Variants in PPP1R12B observed in about 807,000 individuals in gnomAD.
PPP1R12B encodes protein phosphatase 1 regulatory subunit 12B.
PPP1R12B carries 76 observed loss-of-function variants against 126.1 expected under a neutral mutation model. The observed-to-expected ratio is 0.60, with a 90% CI of 0.50 to 0.73. The LOEUF is 0.73. PPP1R12B is among the 30% of genes least tolerant of loss of function. The pLI, the probability that PPP1R12B is intolerant of heterozygous loss-of-function variation, is 0.00. For synonymous variants in PPP1R12B, 356 were observed against 434.7 expected (o/e 0.82, Z 2.25); for missense variants, 1,052 against 1,205.1 (o/e 0.87, Z 1.88).
intron 1 of PPP1R12B, among the ~76,000 whole-genome samples, chr1:202,402,071 G>T (rs189929770): frequency 2.0e-5 from 3 of 152,312 alleles, no homozygotes; most frequent in Non-Finnish European, 4.4e-5. Flanking sequence ...GGAGACAGGG[G>T]GCGTTTCTCA....
chr1:202,434,816 G>T, intron 9 of PPP1R12B, 48 bp downstream of exon 9: 1 of 1,604,034 alleles, frequency 6.2e-7, no homozygotes, highest in Non-Finnish European at 8.5e-7. Context: ...CCCTACTGCA[G>T]TAGCACACAT....
chr1:202,437,113 C>T (rs555976773), intron 9 of PPP1R12B, among the ~76,000 whole-genome samples: 9 of 151,972 alleles, frequency 5.9e-5, no homozygotes, highest in African/African-American at 1.9e-4. Flanking sequence ...GAGGATTGCT[C>T]GAGTTTAGGA....
At chr1:202,525,425 T>A (rs886973743) in intron 18 of PPP1R12B, among the ~76,000 whole-genome samples, 2 of 151,942 alleles carry the variant, frequency 1.3e-5, no homozygotes, top group African/African-American at 2.4e-5. Context: ...TTGTCAACAG[T>A]GTTAAATGTT....
At chr1:202,540,017 C>A (rs1358143652) in intron 18 of PPP1R12B, 12 of 1,357,514 alleles carry the variant, frequency 8.8e-6, no homozygotes, top group Non-Finnish European at 1.2e-5. Context: ...TTATTTAGTT[C>A]TATCCAAAGT....
At position 202,348,959 on chromosome 1, in the gene PPP1R12B, G is replaced by A; in HGVS notation, c.108G>A (p.Ala36=). 6.2e-7 allele frequency: 1 copy of A among 1,601,824 alleles called. No homozygotes were observed. Among genetic ancestry groups the A allele is most frequent in the South Asian group, 1.1e-5 (1 of 89,478 alleles). ...GCTCGCTGACAGAGCAGGAGCCTGC[G>A]GAGCGACGAGGCGCGGGGCGGCAGC... ...WRGSLTEQEP[A]ERRGAGRQPL... Residue 36 remains alanine, a synonymous_variant, in exon 1 of 24, where the codon GCG becomes GCA. Transcript: ENST00000608999.
At chr1:202,402,757 A>G (rs934594728) in intron 1 of PPP1R12B, among the ~76,000 whole-genome samples, 3 of 152,214 alleles carry the variant, frequency 2.0e-5, no homozygotes, top group African/African-American at 4.8e-5. Context: ...ATGCAACTCA[A>G]ACACCTACAG....
At chr1:202,430,914 C>A in intron 7 of PPP1R12B, 104 bp downstream of exon 7, 1 of 1,445,600 alleles carries the variant, frequency 6.9e-7, no homozygotes. Flanking sequence ...TTGTATTTAG[C>A]CGAGTGATCT....
At chr1:202,442,752 T>C (rs1476087941) in intron 12 of PPP1R12B, among the ~76,000 whole-genome samples, 180 bp downstream of exon 12, 1 of 152,228 alleles carries the variant, frequency 6.6e-6, no homozygotes, top group Non-Finnish European at 1.5e-5. Context: ...AATAATTGAA[T>C]TAAAGTAAGC....
chr1:202,441,718 T>C (rs536685493), intron 11 of PPP1R12B, among the ~76,000 whole-genome samples: 91 of 152,248 alleles, frequency 6.0e-4, no homozygotes, highest in African/African-American at 2.0e-3. Flanking sequence ...TAAAGAGGCT[T>C]CCAGCAAGAC....
Position 202,565,814 on chromosome 1 carries a change from A to T in PPP1R12B, c.2757+1267A>T, listed in dbSNP as rs1687994056. On this transcript the variant is annotated intron_variant, in intron 21 of 23. Transcript: ENST00000608999. The surrounding 1 kb of genome is among the most constrained non-coding windows in gnomAD (Gnocchi z 4.3). ...AAAAGTAGGTTTCTAAATCTAAAAG[A>T]GAAAAATACACACATAGCTATAGCC... 6.6e-6 allele frequency among the ~76,000 whole-genome samples: 1 copy of T among 152,302 alleles called. No homozygotes were observed. The highest frequency in any genetic ancestry group is 2.4e-5 in the African/African-American group (1 of 41,554).
At chr1:202,357,104 T>G (rs1216221419) in intron 1 of PPP1R12B, among the ~76,000 whole-genome samples, 1 of 152,120 alleles carries the variant, frequency 6.6e-6, no homozygotes. Context: ...TGTGAGCCAC[T>G]GGGGATTACA....
intron 1 of PPP1R12B, among the ~76,000 whole-genome samples, chr1:202,402,493 G>A (rs374055621): frequency 4.1e-4 from 63 of 152,288 alleles, no homozygotes; most frequent in African/African-American, 1.5e-3. Context: ...AAACCAAGTT[G>A]TTCAGATTTC....
In PPP1R12B at chr1:202,521,984, G is replaced by A. The variant is rs546217363; in HGVS notation, c.2490+25162G>A. On this transcript the variant is annotated intron_variant, in intron 18 of 23. Coordinates refer to ENST00000608999, the MANE Select transcript of PPP1R12B (RefSeq NM_002481.4). ...GTATAAGAAAAAATTCTGAATAATG[G>A]AATGGTAGTCAAATTGGCAGTAGGC... 2.0e-5 allele frequency among the ~76,000 whole-genome samples: 3 copies of A among 152,296 alleles called. No individual in the cohort carries two copies. In the East Asian group the frequency reaches 5.8e-4, roughly 29 times the overall value.
intron 13 of PPP1R12B, chr1:202,473,987 AG>A (rs1676293572): frequency 3.8e-6 from 2 of 529,230 alleles, no homozygotes; most frequent in African/African-American, 1.9e-5. Context: ...TCTTTGTCAA[AG>A]GGGGCAGAGG....
intron 13 of PPP1R12B, among the ~76,000 whole-genome samples, chr1:202,467,795 C>T (rs929684385): frequency 5.3e-5 from 8 of 152,202 alleles, no homozygotes; most frequent in Admixed American, 4.6e-4. Context: ...TGAGGAATCA[C>T]CACACCGACT....
intron 1 of PPP1R12B, among the ~76,000 whole-genome samples, chr1:202,385,293 C>T (rs1662944730): frequency 6.6e-6 from 1 of 152,180 alleles, no homozygotes; most frequent in Admixed American, 6.5e-5. Flanking sequence ...CATCTTTTAC[C>T]ATCCCTCTCA....
At chr1:202,368,386 C>A (rs1659660523) in intron 1 of PPP1R12B, among the ~76,000 whole-genome samples, 1 of 152,204 alleles carries the variant, frequency 6.6e-6, no homozygotes, top group Non-Finnish European at 1.5e-5. Context: ...CTCCCTGAGG[C>A]CTCCCCAGGA....
chr1:202,430,654 A>G, intron 6 of PPP1R12B, 77 bp from the exon 7 acceptor site: 1 of 1,511,570 alleles, frequency 6.6e-7, no homozygotes. Flanking sequence ...TGACAGTACC[A>G]TTTTGGTTCT....
At chr1:202,380,407 G>A (rs1039793406) in intron 1 of PPP1R12B, among the ~76,000 whole-genome samples, 1 of 152,196 alleles carries the variant, frequency 6.6e-6, no homozygotes, top group Non-Finnish European at 1.5e-5. Flanking sequence ...TGTTGCCCTA[G>A]TGGAGAGTTT....
Sources: gnomAD v4.1 joint callset for allele counts (sites outside exome capture counted in the v4.1 genomes callset) on GRCh38, gnomAD v4.1.1 for gene constraint, Gnocchi (gnomAD v3.1) non-coding constraint, MANE v1.5 for transcripts, NCBI Gene and HGNC (gene_info 2026-07-23, HGNC 2026-07-21) for gene names.